Variants in PPP6R3 observed in about 807,000 individuals in gnomAD.
The protein encoded by PPP6R3 is serine/threonine-protein phosphatase 6 regulatory subunit 3.
PPP6R3 carries 38 observed loss-of-function variants against 110.7 expected under a neutral mutation model. The observed-to-expected ratio is 0.34, with a 90% CI of 0.26 to 0.45. The LOEUF is 0.45. Among genes scored for constraint, PPP6R3 ranks in the 20% least tolerant of loss-of-function variants. The pLI is 1.00. For missense variants in PPP6R3, 870 were observed against 1,062.4 expected, an observed-to-expected ratio of 0.82 and a Z score of 2.52; for synonymous variants, 369 against 373.5, an observed-to-expected ratio of 0.99 and a Z score of 0.14.
intron 1 of PPP6R3, among the ~76,000 whole-genome samples, chr11:68,493,716 C>T (rs1467157381): frequency 1.3e-5 from 2 of 150,902 alleles, no homozygotes; most frequent in African/African-American, 4.9e-5. Flanking sequence ...TCCAGACCTC[C>T]CAAAGTACTG....
intron 9 of PPP6R3, among the ~76,000 whole-genome samples, chr11:68,564,677 C>T (rs1283625347): frequency 6.6e-6 from 1 of 152,154 alleles, no homozygotes; most frequent in East Asian, 1.9e-4. Context: ...ACTTACATGC[C>T]AGTAAAGAAA....
At chr11:68,481,840 T>A (rs1472159910) in intron 1 of PPP6R3, among the ~76,000 whole-genome samples, 4 of 152,174 alleles carry the variant, frequency 2.6e-5, no homozygotes, top group African/African-American at 4.8e-5. Context: ...CACTTGCGCT[T>A]GGTTCTTTAT....
At chr11:68,506,414 C>CAAAAAGAAAAAAAAA (rs2099077192) in intron 1 of PPP6R3, among the ~76,000 whole-genome samples, 1 of 46,048 alleles carries the variant, frequency 2.2e-5, no homozygotes, top group Non-Finnish European at 4.3e-5. Flanking sequence ...CCTTTATACT[C>CAAAAAGAAAAAAAAA]AAAAAAAAAA....
chr11:68,475,359 C>T (rs2153297795), intron 1 of PPP6R3, among the ~76,000 whole-genome samples: 1 of 152,332 alleles, frequency 6.6e-6, no homozygotes, highest in African/African-American at 2.4e-5. Context: ...GTCTTTTCCC[C>T]ACCTTTCCCC....
At chr11:68,501,401 A>G (rs948820441) in intron 1 of PPP6R3, among the ~76,000 whole-genome samples, 2 of 152,226 alleles carry the variant, frequency 1.3e-5, no homozygotes, top group African/African-American at 4.8e-5. Flanking sequence ...GATCTCGGCC[A>G]GTGCAACCTC....
chr11:68,533,948 G>A (rs1006652507), intron 2 of PPP6R3, among the ~76,000 whole-genome samples: 3 of 152,124 alleles, frequency 2.0e-5, no homozygotes, highest in Non-Finnish European at 2.9e-5. Flanking sequence ...TACAGCAGTA[G>A]GTGGCTTTCT....
At chr11:68,496,986 C>T (rs536452898) in intron 1 of PPP6R3, among the ~76,000 whole-genome samples, 8 of 150,888 alleles carry the variant, frequency 5.3e-5, no homozygotes, top group Non-Finnish European at 8.9e-5. Flanking sequence ...TTCAACCTCG[C>T]GAGTAGCTGG....
intron 23 of PPP6R3, among the ~76,000 whole-genome samples, chr11:68,612,316 A>AT (rs1943916479): frequency 2.6e-5 from 4 of 152,228 alleles, no homozygotes; most frequent in Admixed American, 2.6e-4. Flanking sequence ...ATAAGGCATG[A>AT]GTAGCATTCT....
At chr11:68,575,751 C>T (rs2099528530) in intron 13 of PPP6R3, among the ~76,000 whole-genome samples, 1 of 152,294 alleles carries the variant, frequency 6.6e-6, no homozygotes, top group East Asian at 1.9e-4. Context: ...TCCTGAAAGT[C>T]CATGGGATTT....
At chr11:68,520,916 C>T (rs996480871) in intron 2 of PPP6R3, among the ~76,000 whole-genome samples, 10 of 152,080 alleles carry the variant, frequency 6.6e-5, no homozygotes, top group Admixed American at 1.3e-4. Flanking sequence ...GGATTACAGG[C>T]GTGCACCACC....
intron 1 of PPP6R3, among the ~76,000 whole-genome samples, chr11:68,502,346 A>G (rs994258983): frequency 7.9e-5 from 12 of 152,214 alleles, no homozygotes; most frequent in Non-Finnish European, 1.5e-5. Flanking sequence ...AGTACCTCTT[A>G]GATGAAACTA....
Position 68,554,269 on chromosome 11 carries a change from A to G in PPP6R3, c.731+12A>G. On this transcript the variant is annotated intron_variant, in intron 7 of 23. Coordinates refer to ENST00000393800, the MANE Select transcript of PPP6R3 (RefSeq NM_001164161.2). ...GCCACTCTAGAAAAGTATGTGTAAA[A>G]CTCTGTTCTTGTTCTTCTTTCATAT... 6.4e-7 allele frequency: 1 copy of G among 1,572,980 alleles called. No individual in the cohort carries two copies. Among genetic ancestry groups the G allele is most frequent in the Non-Finnish European group, 8.7e-7 (1 of 1,147,402 alleles).
chr11:68,578,144 T>C (rs1030987542), intron 14 of PPP6R3, among the ~76,000 whole-genome samples: 2 of 152,180 alleles, frequency 1.3e-5, no homozygotes, highest in Admixed American at 1.3e-4. Flanking sequence ...GCTTATATAG[T>C]AGGTCTAGGC....
At position 68,614,960 on chromosome 11, in the gene PPP6R3, G is replaced by A. The variant is rs1203318675; in HGVS notation, c.*1843G>A. 18 of 602,570 alleles carry A rather than the reference G, an allele frequency of 3.0e-5. No individual in the cohort carries two copies. Among genetic ancestry groups the A allele is most frequent in the Non-Finnish European group, 4.0e-5 (13 of 322,662 alleles). The allele number at this position is 602,570 out of a possible 1,614,324, so 37.3% of individuals were successfully genotyped here. A position where few individuals can be genotyped will look rare whatever the true frequency, so the allele number is the denominator to read the frequency against. ...TCCACTGGTGGCACACGTGGCCTCC[G>A]TGGTATGGACCTGGTGGCTTCTCCA... On this transcript the variant is annotated 3_prime_UTR_variant, in exon 24 of 24. Coordinates refer to ENST00000393800, the MANE Select transcript of PPP6R3 (RefSeq NM_001164161.2).
At position 68,613,325 on chromosome 11, in the gene PPP6R3, T is replaced by G; in HGVS notation, c.*208T>G. On this transcript the variant is annotated 3_prime_UTR_variant, in exon 24 of 24. Coordinates refer to ENST00000393800, the MANE Select transcript of PPP6R3 (RefSeq NM_001164161.2). ...ATTGCACATTGACAAATACCAAGAA[T>G]TTTTGCGTATGTTTATATTGTATTG... 1 of 1,340,332 alleles carries G rather than the reference T, an allele frequency of 7.5e-7. No homozygotes were observed. Among genetic ancestry groups the G allele is most frequent in the South Asian group, 2.0e-5 (1 of 50,904 alleles). 83.0% of individuals were successfully genotyped at this position (1,340,332 alleles called of 1,614,324 possible).
chr11:68,556,291 C>T (rs2099399185), intron 7 of PPP6R3, among the ~76,000 whole-genome samples: 1 of 151,956 alleles, frequency 6.6e-6, no homozygotes, highest in Admixed American at 6.6e-5. Context: ...GAGCAGGTAC[C>T]AAGAAATCTC....
chr11:68,613,934 GTTTT>G lies in PPP6R3; in HGVS notation c.*821_*824del. 1.1e-6 allele frequency: 1 copy of G among 878,178 alleles called. No individual in the cohort carries two copies. The allele number at this position is 878,178 out of a possible 1,614,324, so 54.4% of individuals were successfully genotyped here. A position where few individuals can be genotyped will look rare whatever the true frequency, so the allele number is the denominator to read the frequency against. On this transcript the variant is annotated 3_prime_UTR_variant, in exon 24 of 24. Transcript: ENST00000393800. ...TTTTTTTTGGCTTTTGTTTTTGTTT[GTTTT>G]TTTGTTTCATTTGGTAGTTCATCTG...
intron 10 of PPP6R3, among the ~76,000 whole-genome samples, chr11:68,569,032 T>G (rs1461433151): frequency 6.6e-6 from 1 of 152,150 alleles, no homozygotes; most frequent in Admixed American, 6.5e-5. Context: ...AGTGCAGAGA[T>G]TACAGGCATG....
rs572384222 is a variant in PPP6R3 at position 68,574,195 on chromosome 11, A to C, written c.1430A>C (p.Asn477Thr). The C allele has an allele frequency of 6.2e-6, 10 of 1,613,800 alleles. No homozygotes were observed. The highest frequency in any genetic ancestry group is 8.5e-6 in the Non-Finnish European group (10 of 1,179,816). ...GTGCACAGCACTGACAAGGGCCCCA[A>C]CAGTGCATTAGTGCAGCAGCTTATC... ...CIVHSTDKGP[N>T]SALVQQLIKD... The change falls in exon 13 of 24, where the codon AAC (asparagine) becomes ACC (threonine). Residue 477 changes from asparagine to threonine, a missense_variant. By Grantham distance (65) the Asn-to-Thr change is moderately conservative (BLOSUM62 0). Coordinates refer to ENST00000393800, the MANE Select transcript of PPP6R3 (RefSeq NM_001164161.2).
Sources: allele counts gnomAD v4.1 joint callset (sites outside exome capture counted in the v4.1 genomes callset), GRCh38; gene constraint gnomAD v4.1.1; transcripts MANE v1.5; gene names NCBI Gene and HGNC (gene_info 2026-07-23, HGNC 2026-07-21).